OTOF: variants seen among roughly 807,000 people sequenced by gnomAD.
OTOF encodes the protein otoferlin.
Under a neutral mutation model 236.8 loss-of-function variants are expected in OTOF, and 218 were observed. The observed-to-expected ratio is 0.92, with a 90% CI of 0.82 to 1.03. The LOEUF (loss-of-function observed/expected upper bound fraction) is 1.03, where lower values mean the gene tolerates loss of function less well. Among genes scored for constraint, OTOF ranks in the 50% least tolerant of loss-of-function variants. The probability of loss-of-function intolerance (pLI) is 0.00; values close to 1 mark genes in which losing one functional copy is unlikely to be tolerated. For missense variants in OTOF, 2,590 were observed against 2,694.4 expected, an observed-to-expected ratio of 0.96 and a Z score of 0.86; for synonymous variants, 1,041 against 1,072.5, an observed-to-expected ratio of 0.97 and a Z score of 0.57.
At chr2:26,489,819 C>T (rs754508416) in intron 9 of OTOF, 79 bp from the exon 10 acceptor site, 40 of 1,089,394 alleles carry the variant, frequency 3.7e-5, no homozygotes, top group Non-Finnish European at 5.5e-5. Flanking sequence ...CCTCCCTCCT[C>T]GCAGGGCCTG....
At chr2:26,474,444 C>T in intron 26 of OTOF, 69 bp downstream of exon 26, 2 of 1,426,640 alleles carry the variant, frequency 1.4e-6, no homozygotes, top group Non-Finnish European at 1.9e-6. Context: ...AGGGTCCAGC[C>T]CCCAGCCCTA....
intron 11 of OTOF, among the ~76,000 whole-genome samples, chr2:26,486,700 G>T (rs1477202755): frequency 6.6e-6 from 1 of 152,190 alleles, no homozygotes; most frequent in Non-Finnish European, 1.5e-5. Flanking sequence ...CCCCATTTCT[G>T]GGAGGACTAA....
At chr2:26,494,589 T>C (rs1665929394) in intron 9 of OTOF, among the ~76,000 whole-genome samples, 1 of 138,694 alleles carries the variant, frequency 7.2e-6, no homozygotes, top group Admixed American at 7.7e-5. Context: ...TGGGTTGGAA[T>C]GAGGCAGCCC....
At chr2:26,520,219 G>A (rs141295744) in intron 3 of OTOF, among the ~76,000 whole-genome samples, 5 of 152,332 alleles carry the variant, frequency 3.3e-5, no homozygotes, top group East Asian at 1.9e-4. Context: ...CATCCAGGGC[G>A]TGTGAGAGCT....
At chr2:26,505,479 G>C (rs1036027236) in intron 5 of OTOF, among the ~76,000 whole-genome samples, 3 of 151,594 alleles carry the variant, frequency 2.0e-5, no homozygotes, top group African/African-American at 7.3e-5. Context: ...GACTACATAG[G>C]GCCAAAGGCC....
At chr2:26,526,086 C>CAA (rs796661291) in intron 3 of OTOF, among the ~76,000 whole-genome samples, 11,796 of 58,082 alleles carry the variant, frequency 0.2, 938 homozygotes, top group Middle Eastern at 0.27. Context: ...GACTCTGTCT[C>CAA]AAAAAAAAAA....
intron 41 of OTOF, 24 bp downstream of exon 41, chr2:26,463,459 A>G: frequency 7.1e-6 from 11 of 1,558,994 alleles, no homozygotes; most frequent in Non-Finnish European, 9.6e-6. Context: ...GGAAGGGAGT[A>G]GCGCTGGGCC....
intron 11 of OTOF, among the ~76,000 whole-genome samples, chr2:26,487,936 A>C (rs1419374393): frequency 6.6e-6 from 1 of 152,218 alleles, no homozygotes; most frequent in East Asian, 1.9e-4. Flanking sequence ...GGAGCTGGAG[A>C]CAGGGGTGCT....
chr2:26,548,776 G>A (rs1667394329), intron 1 of OTOF, among the ~76,000 whole-genome samples: 1 of 152,230 alleles, frequency 6.6e-6, no homozygotes, highest in South Asian at 2.1e-4. Context: ...TAGCCTAGGT[G>A]TGTAGTTGGC....
Position 26,474,531 on chromosome 2 carries a change from C to T in OTOF, c.3270G>A (p.Ala1090=), listed in dbSNP as rs761919034. The T allele has an allele frequency of 7.4e-6, 12 of 1,611,120 alleles. No homozygotes were observed. The highest frequency in any genetic ancestry group is 3.3e-5 in the South Asian group (3 of 90,808). The change falls in exon 26 of 47, where the codon GCG becomes GCA. Residue 1090 remains alanine, a synonymous_variant. Coordinates refer to ENST00000272371, the MANE Select transcript of OTOF (RefSeq NM_194248.3). ...RGNATAGDLL[A]AFELLQIGPA... ...GTCCCACCTGCAGCAGCTCGAAGGC[C>T]GCCAGCAGGTCTCCAGCTGTGGCGT...
intron 8 of OTOF, among the ~76,000 whole-genome samples, chr2:26,495,708 G>A (rs796605743): frequency 4.6e-5 from 7 of 152,120 alleles, no homozygotes; most frequent in African/African-American, 4.8e-5. Flanking sequence ...TTACAGGCAT[G>A]AGCCACCGTG....
chr2:26,486,483 G>A lies in OTOF; in HGVS notation c.1046-1850C>T, dbSNP rs1159293735. ...ATGGATACAGGGGTAGATGTATAGA[G>A]GTGTGCATGGTTAGATGAATTGGGG... is the stretch of plus-strand genomic sequence containing the variant. On this transcript the variant is annotated intron_variant, in intron 11 of 46. Transcript: ENST00000272371. Among the ~76,000 whole-genome samples, 5 of 152,176 alleles carry A rather than the reference G, an allele frequency of 3.3e-5. No homozygotes were observed. In the East Asian group the frequency reaches 5.8e-4, roughly 18 times the overall value.
intron 1 of OTOF, among the ~76,000 whole-genome samples, chr2:26,557,886 CT>C (rs1443287839): frequency 6.6e-6 from 1 of 151,814 alleles, no homozygotes; most frequent in Non-Finnish European, 1.5e-5. Flanking sequence ...GTTTCTACCC[CT>C]ATCCTTGGGA....
rs918547993 is a variant in OTOF, at chr2:26,478,046, C to T, written c.2215-297G>A. On this transcript the variant is annotated intron_variant, in intron 18 of 46. Coordinates refer to ENST00000272371, the MANE Select transcript of OTOF (RefSeq NM_194248.3). The stretch of plus-strand genomic sequence containing the variant: ...AGGGCCTGGGCAGAACTCACGGCTA[C>T]GGGGCTCAGGGCTGGCCAGAGACAG... 93 of 1,432,900 alleles carry T rather than the reference C, an allele frequency of 6.5e-5. 1 individual carries two copies. The highest frequency in any genetic ancestry group is 1.1e-4 in the Admixed American group (4 of 34,824). 88.8% of individuals were successfully genotyped at this position (1,432,900 alleles called of 1,614,324 possible).
chr2:26,550,251 C>T (rs72815290), intron 1 of OTOF, among the ~76,000 whole-genome samples: 40,998 of 151,962 alleles, frequency 0.27, 7,326 homozygotes, highest in East Asian at 0.7. Context: ...AGCGGTCAAG[C>T]GGTCTAGGGT....
At position 26,465,961 on chromosome 2, in the gene OTOF, G is replaced by A; in HGVS notation, c.4616C>T (p.Pro1539Leu). The A allele has an allele frequency of 1.9e-6, 3 of 1,614,278 alleles. No individual in the cohort carries two copies. The highest frequency in any genetic ancestry group is 2.5e-6 in the Non-Finnish European group (3 of 1,180,046). Reference protein sequence around the residue: ...KENYISKQLNPVFGKSFDIEA... With the variant: ...KENYISKQLNLVFGKSFDIEA... ...CAAGAAGCCTTACTTCCCAAAGACA[G>A]GGTTGAGCTGCTTGGAGATGTAGTT... The change falls in exon 37 of 47, where the codon CCT (proline) becomes CTT (leucine). Residue 1539 changes from proline (P) to leucine (L), a missense_variant. Physicochemically the swap from Pro to Leu is moderately conservative, Grantham distance 98 (BLOSUM62 -3). Around this residue, in one of 2 missense-constraint regions of OTOF, gnomAD observed 1,211 missense variants for 1,352.8 expected, o/e 0.90. Transcript: ENST00000272371.
At chr2:26,495,653 C>T (rs201845291) in intron 8 of OTOF, among the ~76,000 whole-genome samples, 4 of 151,962 alleles carry the variant, frequency 2.6e-5, no homozygotes, top group Admixed American at 2.0e-4. Context: ...CTCAAACTCC[C>T]GGCCTCAAGT....
At chr2:26,503,345 G>T (rs1197198874) in intron 6 of OTOF, among the ~76,000 whole-genome samples, 1 of 152,226 alleles carries the variant, frequency 6.6e-6, no homozygotes, top group African/African-American at 2.4e-5. Flanking sequence ...CCCTCCAGCG[G>T]CCCCAGGACC....
At chr2:26,508,284 G>A (rs1423469598) in intron 5 of OTOF, among the ~76,000 whole-genome samples, 1 of 152,218 alleles carries the variant, frequency 6.6e-6, no homozygotes, top group African/African-American at 2.4e-5. Flanking sequence ...TGTTATCCAA[G>A]CGCCCCTAAA....
Sources: allele counts gnomAD v4.1 joint callset (sites outside exome capture counted in the v4.1 genomes callset), GRCh38; gene constraint gnomAD v4.1.1; regional missense constraint gnomAD v4.1.1; transcripts MANE v1.5; gene names NCBI Gene and HGNC (gene_info 2026-07-23, HGNC 2026-07-21).